POU2F1: variants seen among roughly 807,000 people sequenced by gnomAD.
POU2F1 encodes POU class 2 homeobox 1.
Under a neutral mutation model 84.9 loss-of-function variants are expected in POU2F1, and 16 were observed. That is an observed-to-expected ratio of 0.19 (90% CI 0.13 to 0.29). The LOEUF is 0.29. POU2F1 is among the 10% of genes least tolerant of loss of function. POU2F1 has a pLI of 1.00. For synonymous variants in POU2F1, 368 were observed against 368.3 expected, an observed-to-expected ratio of 1.00 and a Z score of 0.01; for missense variants, 738 against 942.6, an observed-to-expected ratio of 0.78 and a Z score of 2.84.
rs1484189891 is a variant in POU2F1 at position 167,383,858 on chromosome 1, T to G, written c.720T>G (p.Gly240=). 7 of 1,612,214 alleles carry G rather than the reference T, an allele frequency of 4.3e-6. No individual in the cohort carries two copies. Among genetic ancestry groups the G allele is most frequent in the Non-Finnish European group, 5.9e-6 (7 of 1,178,852 alleles). The change falls in exon 8 of 16, where the codon GGT becomes GGG. Residue 240 remains glycine, a splice_region_variant and synonymous_variant. Coordinates refer to ENST00000367866, the MANE Select transcript of POU2F1 (RefSeq NM_002697.4). ...GGATAACATGTTTTTCTTCTACAGG[T>G]CTCCTGCAAGCGCAAAATCTTCTAA... ...IISQTPQGQQ[G]LLQAQNLLTQ...
At chr1:167,356,546 T>G (rs1353780727) in intron 2 of POU2F1, among the ~76,000 whole-genome samples, 1 of 152,102 alleles carries the variant, frequency 6.6e-6, no homozygotes, top group Non-Finnish European at 1.5e-5. Flanking sequence ...GCATCAAATG[T>G]GTTACCGGTA....
chr1:167,252,045 A>G (rs1188189651), intron 1 of POU2F1, among the ~76,000 whole-genome samples: 1 of 151,494 alleles, frequency 6.6e-6, no homozygotes, highest in Non-Finnish European at 1.5e-5. Flanking sequence ...TAGTTTTAGT[A>G]GAGACCGGGT....
chr1:167,323,242 G>A (rs1656453253), intron 1 of POU2F1, among the ~76,000 whole-genome samples: 1 of 152,222 alleles, frequency 6.6e-6, no homozygotes, highest in Admixed American at 6.5e-5. Flanking sequence ...ATAGGATCAT[G>A]TAGGATAGGC....
intron 1 of POU2F1, among the ~76,000 whole-genome samples, chr1:167,312,451 A>G (rs889923351): frequency 6.6e-6 from 1 of 151,358 alleles, no homozygotes; most frequent in African/African-American, 2.4e-5. Flanking sequence ...GCGGGTCTCG[A>G]ACTCCTGACT....
intron 2 of POU2F1, among the ~76,000 whole-genome samples, chr1:167,348,377 T>G (rs1658335975): frequency 6.6e-6 from 1 of 152,218 alleles, no homozygotes. Flanking sequence ...CACTTTTTGA[T>G]GGTCCTTCAA....
At chr1:167,368,980 T>C (rs1274934622) in intron 3 of POU2F1, among the ~76,000 whole-genome samples, 1 of 152,198 alleles carries the variant, frequency 6.6e-6, no homozygotes, top group Non-Finnish European at 1.5e-5. Flanking sequence ...TTTTTTAATC[T>C]AAATCCAGTC....
At chr1:167,405,453 G>A (rs1442035224) in intron 13 of POU2F1, among the ~76,000 whole-genome samples, 1 of 151,910 alleles carries the variant, frequency 6.6e-6, no homozygotes, top group Non-Finnish European at 1.5e-5. Context: ...CAAGGTGAAA[G>A]GATCGCTTGG....
chr1:167,297,856 A>G (rs1654396159), intron 1 of POU2F1, among the ~76,000 whole-genome samples: 1 of 152,294 alleles, frequency 6.6e-6, no homozygotes, highest in East Asian at 1.9e-4. Flanking sequence ...CCTAAGGAAC[A>G]CTAACTTTTA....
chr1:167,336,538 T>C (rs964282567), intron 2 of POU2F1, among the ~76,000 whole-genome samples: 5 of 152,172 alleles, frequency 3.3e-5, no homozygotes, highest in African/African-American at 7.2e-5. Flanking sequence ...CATAATGTTA[T>C]AGGAAAAATT....
intron 1 of POU2F1, among the ~76,000 whole-genome samples, chr1:167,221,397 A>T (rs1027232123): frequency 3.4e-5 from 5 of 148,130 alleles, no homozygotes; most frequent in Admixed American, 1.3e-4. Flanking sequence ...GGCGGGGCGC[A>T]GTAGGGCGCG....
At position 167,360,001 on chromosome 1, in the gene POU2F1, T is replaced by C. The variant is rs148780870; in HGVS notation, c.128-5466T>C. Among the ~76,000 whole-genome samples, 972 of 152,204 alleles carry C rather than the reference T, an allele frequency of 6.4e-3. 8 individuals carry two copies. The highest frequency in any genetic ancestry group is 0.021 in the African/African-American group (860 of 41,546). On this transcript the variant is annotated intron_variant, in intron 2 of 15. Transcript: ENST00000367866. ...TATGTCTTCTTTTGAGACGTGTCTG[T>C]CTTTGCCTGCTTTTTAATGAAGTTT... is the stretch of plus-strand genomic sequence containing the variant.
intron 7 of POU2F1, 133 bp downstream of exon 7, chr1:167,376,288 A>C (rs1308187118): frequency 3.5e-6 from 4 of 1,142,436 alleles, no homozygotes; most frequent in Non-Finnish European, 4.6e-6. Flanking sequence ...TTGATTATAA[A>C]CTTTCGTTTA....
intron 2 of POU2F1, among the ~76,000 whole-genome samples, chr1:167,350,059 G>T (rs971078193): frequency 1.3e-5 from 2 of 152,078 alleles, no homozygotes; most frequent in African/African-American, 4.8e-5. Context: ...AAAAATAAAG[G>T]TTGTATAGGG....
chr1:167,257,377 A>G (rs1490195902), intron 1 of POU2F1, among the ~76,000 whole-genome samples: 2 of 152,226 alleles, frequency 1.3e-5, no homozygotes, highest in Admixed American at 6.5e-5. Context: ...ACATACACCT[A>G]TGTCCAAATG....
intron 6 of POU2F1, among the ~76,000 whole-genome samples, chr1:167,374,857 G>A (rs1660224005): frequency 6.6e-6 from 1 of 152,104 alleles, no homozygotes; most frequent in African/African-American, 2.4e-5. Flanking sequence ...CACTAGGTCA[G>A]GAGTTCGAGA....
rs138024958 is a variant in POU2F1 at position 167,394,268 on chromosome 1, G to A, written c.988-2018G>A. 5.8e-3 allele frequency among the ~76,000 whole-genome samples: 885 copies of A among 152,118 alleles called. 5 individuals carry two copies. The highest frequency in any genetic ancestry group is 0.02 in the African/African-American group (831 of 41,478). On this transcript the variant is annotated intron_variant, in intron 9 of 15. Transcript: ENST00000367866. ...ACTCCTGACCTCAAATAATCCACCC[G>A]CCTGGGCCTCTTAAAGTGCTGGGAT...
rs1207852868 is a variant in POU2F1 at position 167,422,331 on chromosome 1, TAAAGTG to T, written c.*6525_*6530del. On this transcript the variant is annotated 3_prime_UTR_variant, in exon 16 of 16. Transcript: ENST00000367866. The stretch of plus-strand genomic sequence containing the variant: ...TGATGTATCTTAAATCTAGGAAAGT[TAAAGTG>T]AAACAGGTTCTTTGTGTTGCCCTCT... The T allele has an allele frequency of 6.6e-6, 1 of 152,254 alleles. No homozygotes were observed. The highest frequency in any genetic ancestry group is 2.4e-5 in the African/African-American group (1 of 41,462). 9.4% of individuals were successfully genotyped at this position (152,254 alleles called of 1,614,324 possible).
At chr1:167,249,057 G>A (rs1002830851) in intron 1 of POU2F1, among the ~76,000 whole-genome samples, 1 of 152,254 alleles carries the variant, frequency 6.6e-6, no homozygotes, top group South Asian at 2.1e-4. Flanking sequence ...TACCTGGGGT[G>A]AGAAAACCTT....
Position 167,416,116 on chromosome 1 carries a change from A to T in POU2F1, c.*306A>T, listed in dbSNP as rs1364679702. The T allele has an allele frequency of 3.9e-6, 2 of 512,534 alleles. No individual in the cohort carries two copies. The highest frequency in any genetic ancestry group is 4.0e-5 in the African/African-American group (2 of 50,100). The allele number at this position is 512,534 out of a possible 1,614,324, so 31.7% of individuals were successfully genotyped here. Reference sequence around the variant, plus strand: ...AAAAAAAAAAAAAAAAGAAACAAAAAAATCAAAAACAAACAAAAATAAGTG... The same window carrying T: ...AAAAAAAAAAAAAAAAGAAACAAAATAATCAAAAACAAACAAAAATAAGTG... On this transcript the variant is annotated 3_prime_UTR_variant, in exon 16 of 16. Coordinates refer to ENST00000367866, the MANE Select transcript of POU2F1 (RefSeq NM_002697.4).
Sources: allele counts gnomAD v4.1 joint callset (sites outside exome capture counted in the v4.1 genomes callset), GRCh38; gene constraint gnomAD v4.1.1; transcripts MANE v1.5; gene names NCBI Gene and HGNC (gene_info 2026-07-23, HGNC 2026-07-21).